The following ADGRB3 variants were observed in gnomAD, a reference collection of about 807,000 sequenced individuals.
ADGRB3 encodes the protein adhesion G protein-coupled receptor B3.
ADGRB3 carries 37 observed loss-of-function variants against 193.4 expected under a neutral mutation model. The observed-to-expected ratio is 0.19, with a 90% CI of 0.15 to 0.25. ADGRB3 has a LOEUF of 0.25. Among genes scored for constraint, ADGRB3 ranks in the 10% least tolerant of loss-of-function variants. ADGRB3 has a pLI of 1.00. For missense variants in ADGRB3, 1,637 were observed against 1,852.9 expected (o/e 0.88, Z 2.14); for synonymous variants, 690 against 644.2 (o/e 1.07, Z -1.08).
At chr6:68,820,319 T>G (rs1767725733) in intron 3 of ADGRB3, among the ~76,000 whole-genome samples, 1 of 152,002 alleles carries the variant, frequency 6.6e-6, no homozygotes, top group South Asian at 2.1e-4. Flanking sequence ...TTACACTAAT[T>G]TTTCTTTTGT....
At chr6:68,884,920 T>C (rs185374832) in intron 3 of ADGRB3, among the ~76,000 whole-genome samples, 186 of 152,266 alleles carry the variant, frequency 1.2e-3, no homozygotes, top group African/African-American at 4.3e-3. Context: ...CATACATCAA[T>C]TTGAAGATCA....
chr6:69,305,886 A>G (rs1768057805), intron 20 of ADGRB3, among the ~76,000 whole-genome samples: 1 of 151,536 alleles, frequency 6.6e-6, no homozygotes, highest in African/African-American at 2.4e-5. Flanking sequence ...TGGGAAAAAT[A>G]TTCTGCAATG....
At position 69,007,837 on chromosome 6, in the gene ADGRB3, G is replaced by A. The variant is rs71555399; in HGVS notation, c.1930-6201G>A. ...TACCTGAGACTGGTTAATTGGTAACGAATAAAAATATATTTCCCACAGTTC... is the reference window on the plus strand; with the variant it reads ...TACCTGAGACTGGTTAATTGGTAACAAATAAAAATATATTTCCCACAGTTC... On this transcript the variant is annotated intron_variant, in intron 11 of 31. Transcript: ENST00000370598. Among the ~76,000 whole-genome samples the A allele has an allele frequency of 6.4e-4, 98 of 152,098 alleles. 1 individual carries two copies. Among genetic ancestry groups the A allele is most frequent in the Non-Finnish European group, 6.5e-4 (44 of 67,992 alleles).
intron 17 of ADGRB3, among the ~76,000 whole-genome samples, chr6:69,229,171 G>A (rs1766082388): frequency 6.6e-6 from 1 of 152,010 alleles, no homozygotes; most frequent in South Asian, 2.1e-4. Flanking sequence ...CTCAATATTT[G>A]CAATGTCTTT....
At chr6:68,919,433 G>C (rs2150241432) in intron 3 of ADGRB3, among the ~76,000 whole-genome samples, 1 of 152,240 alleles carries the variant, frequency 6.6e-6, no homozygotes, top group South Asian at 2.1e-4. Context: ...ACTTAGTGTA[G>C]GTGGCCTGCA....
At chr6:68,831,303 T>A (rs1226142952) in intron 3 of ADGRB3, among the ~76,000 whole-genome samples, 1 of 123,744 alleles carries the variant, frequency 8.1e-6, no homozygotes, top group Admixed American at 8.4e-5. Flanking sequence ...TGGAGAAGAT[T>A]AAAAAAAAAA....
At chr6:68,892,038 C>A (rs1226923312) in intron 3 of ADGRB3, among the ~76,000 whole-genome samples, 1 of 152,140 alleles carries the variant, frequency 6.6e-6, no homozygotes, top group Admixed American at 6.6e-5. Flanking sequence ...TATTGAGGAA[C>A]TATATTTTTT....
chr6:68,987,790 A>G (rs530039482), intron 10 of ADGRB3, among the ~76,000 whole-genome samples: 8 of 152,246 alleles, frequency 5.3e-5, no homozygotes, highest in African/African-American at 1.9e-4. Context: ...CAAGTGAGGT[A>G]CCCCTTATAA....
intron 3 of ADGRB3, among the ~76,000 whole-genome samples, chr6:68,696,347 A>T (rs1713755394): frequency 6.6e-6 from 1 of 151,790 alleles, no homozygotes; most frequent in Admixed American, 6.6e-5. Context: ...ATGTTAATAA[A>T]GCCATCTATA....
chr6:69,307,003 A>G (rs1388625565), intron 20 of ADGRB3, among the ~76,000 whole-genome samples: 1 of 151,236 alleles, frequency 6.6e-6, no homozygotes, highest in Admixed American at 6.6e-5. Context: ...CATGCCTGCT[A>G]CACCCTTACT....
At chr6:69,073,519 AG>A (rs1491527614) in intron 16 of ADGRB3, among the ~76,000 whole-genome samples, 1 of 152,162 alleles carries the variant, frequency 6.6e-6, no homozygotes, top group South Asian at 2.1e-4. Flanking sequence ...AAAATGAAAC[AG>A]GGGCCCTCGG....
At chr6:69,048,057 T>C in intron 13 of ADGRB3, 128 bp from the exon 14 acceptor site, 1 of 994,822 alleles carries the variant, frequency 1.0e-6, no homozygotes, top group Non-Finnish European at 1.5e-6. Context: ...GTTATTTTGT[T>C]GCTCTGATAA....
chr6:69,125,809 C>T (rs1241083631), intron 17 of ADGRB3, among the ~76,000 whole-genome samples: 1 of 152,078 alleles, frequency 6.6e-6, no homozygotes, highest in Non-Finnish European at 1.5e-5. Flanking sequence ...CATTGCTTAC[C>T]TCCCACTTTG....
intron 3 of ADGRB3, among the ~76,000 whole-genome samples, chr6:68,927,733 C>T (rs1767221257): frequency 6.6e-6 from 1 of 151,738 alleles, no homozygotes; most frequent in Non-Finnish European, 1.5e-5. Context: ...AAAAAAATAC[C>T]ACCATAGTGT....
intron 5 of ADGRB3, among the ~76,000 whole-genome samples, chr6:68,939,915 T>C (rs899652009): frequency 3.3e-5 from 5 of 152,178 alleles, no homozygotes; most frequent in African/African-American, 9.6e-5. Context: ...AATGAACAAA[T>C]TGAATATTAA....
At chr6:68,924,018 A>G (rs1050849090) in intron 3 of ADGRB3, among the ~76,000 whole-genome samples, 1 of 152,086 alleles carries the variant, frequency 6.6e-6, no homozygotes, top group Non-Finnish European at 1.5e-5. Flanking sequence ...GTGCTAAATT[A>G]AGGTCTGAAA....
intron 17 of ADGRB3, among the ~76,000 whole-genome samples, chr6:69,145,271 G>A (rs1774454591): frequency 6.6e-6 from 1 of 152,224 alleles, no homozygotes; most frequent in African/African-American, 2.4e-5. Flanking sequence ...GTTGGCTGCG[G>A]TAGGGTGGGC....
intron 22 of ADGRB3, among the ~76,000 whole-genome samples, chr6:69,328,360 A>G (rs1172878746): frequency 2.6e-5 from 4 of 152,148 alleles, no homozygotes; most frequent in Non-Finnish European, 5.9e-5. Context: ...TGGATTTTAC[A>G]TTAGAAAATA....
At chr6:68,763,026 T>C (rs1766441882) in intron 3 of ADGRB3, among the ~76,000 whole-genome samples, 1 of 152,210 alleles carries the variant, frequency 6.6e-6, no homozygotes, top group Non-Finnish European at 1.5e-5. Context: ...AATTAATTAA[T>C]ACTATAACAA....
Sources: allele counts gnomAD v4.1 joint callset (sites outside exome capture counted in the v4.1 genomes callset), GRCh38; gene constraint gnomAD v4.1.1; transcripts MANE v1.5; gene names NCBI Gene and HGNC (gene_info 2026-07-23, HGNC 2026-07-21).